Variants in CLCN2 observed in about 807,000 individuals in gnomAD.
CLCN2 encodes the protein chloride channel protein 2.
Under a neutral mutation model 108.3 loss-of-function variants are expected in CLCN2, and 72 were observed. The observed-to-expected ratio is 0.66, with a 90% CI of 0.55 to 0.81. The LOEUF (loss-of-function observed/expected upper bound fraction) is 0.81. Ranked by LOEUF, CLCN2 falls within the 30% of genes least tolerant of loss-of-function variation. The probability of loss-of-function intolerance (pLI) is 0.00; values close to 1 mark genes in which losing one functional copy is unlikely to be tolerated. For synonymous variants in CLCN2, 471 were observed against 467.1 expected (o/e 1.01, Z -0.11); for missense variants, 1,048 against 1,205.2 (o/e 0.87, Z 1.93).
In CLCN2 at chr3:184,355,504, G is replaced by A; in HGVS notation, c.1196C>T (p.Thr399Ile). The A allele has an allele frequency of 6.2e-7, 1 of 1,614,102 alleles. No individual in the cohort carries two copies. Among genetic ancestry groups the A allele is most frequent in the African/African-American group, 1.3e-5 (1 of 75,054 alleles). ...GQLSQKETLV[T>I]LFDNRTWVRQ... ...GACCCACGTCCGATTGTCAAACAGG[G>A]TGACCAGCGTCTCTTTCTGTGAGAG... Residue 399 changes from threonine to isoleucine, a missense_variant, in exon 12 of 24, where the codon ACC becomes ATC. By Grantham distance (89) the Thr-to-Ile change is moderately conservative. Transcript: ENST00000265593. This position sits in a 1 kb window ranked among gnomAD's most constrained non-coding sequence, Gnocchi z 6.3.
At position 184,358,110 on chromosome 3, in the gene CLCN2, G is replaced by A; in HGVS notation, c.482-15C>T. The A allele has an allele frequency of 6.2e-7, 1 of 1,614,112 alleles. No homozygotes were observed. Among genetic ancestry groups the A allele is most frequent in the East Asian group, 2.2e-5 (1 of 44,884 alleles). ...GATGCCAGAGCCTGGAGAGGGAACA[G>A]TCTCAGGAGAGGCATTCGATGCACC... is the stretch of plus-strand genomic sequence containing the variant. On this transcript the variant is annotated splice_polypyrimidine_tract_variant and intron_variant, in intron 4 of 23. Coordinates refer to ENST00000265593, the MANE Select transcript of CLCN2 (RefSeq NM_004366.6).
chr3:184,349,077 T>TC (rs1320839172), intron 22 of CLCN2: 2 of 152,234 alleles, frequency 1.3e-5, no homozygotes, highest in Non-Finnish European at 2.9e-5. Flanking sequence ...TACTGTGTAC[T>TC]CCAGCTTCCA....
Position 184,346,820 on chromosome 3 carries a change from AGAT to A in CLCN2, c.2503-23_2503-21del. 6 of 1,613,990 alleles carry A rather than the reference AGAT, an allele frequency of 3.7e-6. No individual in the cohort carries two copies. Among genetic ancestry groups the A allele is most frequent in the Non-Finnish European group, 5.1e-6 (6 of 1,179,908 alleles). The stretch of plus-strand genomic sequence containing the variant: ...CCGGAGCTGGAAAGGTGAGAGGGAC[AGAT>A]GTCTGGACCCAGATGTCAGACTCCT... On this transcript the variant is annotated intron_variant, in intron 23 of 23. Coordinates refer to ENST00000265593, the MANE Select transcript of CLCN2 (RefSeq NM_004366.6). The surrounding 1 kb of genome is among the most constrained non-coding windows in gnomAD (Gnocchi z 6.0).
Position 184,357,487 on chromosome 3 carries a change from C to A in CLCN2, c.773G>T (p.Gly258Val). 6.2e-7 allele frequency: 1 copy of A among 1,614,144 alleles called. No individual in the cohort carries two copies. ...VGCCFAAPIGGVLFSIEVTST... is the reference protein window; with the variant it reads ...VGCCFAAPIGVVLFSIEVTST... ...GGTGACCTCGATGCTGAAGAGGACGCCTGTGAGGGGGAGGGAGACCAGCAC... is the reference window on the plus strand; with the variant it reads ...GGTGACCTCGATGCTGAAGAGGACGACTGTGAGGGGGAGGGAGACCAGCAC... The change falls in exon 8 of 24, where the codon GGC (glycine) becomes GTC (valine). Residue 258 changes from glycine (G) to valine (V), a missense_variant and splice_region_variant. Physicochemically the swap from Gly to Val is moderately radical, Grantham distance 109. Transcript: ENST00000265593.
At chr3:184,350,006 G>A (rs1388054668) in intron 22 of CLCN2, among the ~76,000 whole-genome samples, 4 of 152,108 alleles carry the variant, frequency 2.6e-5, no homozygotes, top group Non-Finnish European at 4.4e-5. Flanking sequence ...TTAATTGGGC[G>A]ACTACCTATT....
In CLCN2 at chr3:184,361,281, A is replaced by T; in HGVS notation, c.63+136T>A. On this transcript the variant is annotated intron_variant, in intron 1 of 23. Transcript: ENST00000265593. The surrounding 1 kb of genome is among the most constrained non-coding windows in gnomAD (Gnocchi z 6.6). ...CATCCCTTCGGCCCTGCAGCCTCAG[A>T]CTTCCAAGCCTCAGTTTCCCCAGCT... 1.0e-6 allele frequency: 1 copy of T among 969,000 alleles called. No individual in the cohort carries two copies. The highest frequency in any genetic ancestry group is 2.5e-5 in the East Asian group (1 of 40,660). 60.0% of individuals were successfully genotyped at this position (969,000 alleles called of 1,614,324 possible). A position where few individuals can be genotyped will look rare whatever the true frequency, so the allele number is the denominator to read the frequency against.
Position 184,355,374 on chromosome 3 carries a change from C to T in CLCN2, c.1326G>A (p.Lys442=). Residue 442 remains lysine, a splice_region_variant and synonymous_variant, in exon 12 of 24, where the codon AAG becomes AAA. Coordinates refer to ENST00000265593, the MANE Select transcript of CLCN2 (RefSeq NM_004366.6). This position sits in a 1 kb window ranked among gnomAD's most constrained non-coding sequence, Gnocchi z 6.3. Reference sequence around the variant, plus strand: ...AGCAGTGTACACGTGAGGAGCCCACCTTCATGAGAATGAAGATGACCAGGG... The same window carrying T: ...AGCAGTGTACACGTGAGGAGCCCACTTTCATGAGAATGAAGATGACCAGGG... ...FLTLVIFILM[K]FWMSALATTI... 6.2e-7 allele frequency: 1 copy of T among 1,613,816 alleles called. No homozygotes were observed.
intron 10 of CLCN2, 147 bp downstream of exon 10, chr3:184,356,846 C>G (rs964558514): frequency 3.0e-6 from 2 of 677,062 alleles, no homozygotes; most frequent in Non-Finnish European, 5.3e-6. Context: ...TATAAAAATG[C>G]TCAGTCAGCC....
At chr3:184,358,954 T>C (rs1711620252) in intron 2 of CLCN2, 21 bp downstream of exon 2, 1 of 1,613,466 alleles carries the variant, frequency 6.2e-7, no homozygotes, top group Non-Finnish European at 8.5e-7. Flanking sequence ...CCAGGTCCCC[T>C]GCCCCCACCC....
chr3:184,357,165 C>T lies in CLCN2; in HGVS notation c.983+17G>A. On this transcript the variant is annotated intron_variant, in intron 9 of 23. Transcript: ENST00000265593. ...CCCCCCTCCTCTCTGATACCCCCAGCCCCCTCAGCTCCTCACCCAATGACA... is the reference window on the plus strand; with the variant it reads ...CCCCCCTCCTCTCTGATACCCCCAGTCCCCTCAGCTCCTCACCCAATGACA... 1.2e-6 allele frequency: 2 copies of T among 1,612,940 alleles called. No homozygotes were observed. Among genetic ancestry groups the T allele is most frequent in the Non-Finnish European group, 1.7e-6 (2 of 1,179,258 alleles).
At chr3:184,351,943 G>A (rs1296008775) in intron 22 of CLCN2, 70 bp downstream of exon 22, 1 of 1,164,608 alleles carries the variant, frequency 8.6e-7, no homozygotes, top group Non-Finnish European at 1.3e-6. Flanking sequence ...GTCCAAACTT[G>A]TAGGGGGACC....
chr3:184,358,819 T>C lies in CLCN2; in HGVS notation c.221-6A>G. The C allele has an allele frequency of 1.2e-6, 2 of 1,613,828 alleles. No individual in the cohort carries two copies. The highest frequency in any genetic ancestry group is 8.5e-7 in the Non-Finnish European group (1 of 1,179,878). On this transcript the variant is annotated splice_region_variant and splice_polypyrimidine_tract_variant and intron_variant, in intron 2 of 23. Coordinates refer to ENST00000265593, the MANE Select transcript of CLCN2 (RefSeq NM_004366.6). ...GTGGCAGCGGACAGAACAGACTGGG[T>C]GCAGGGAAGGGAAGAAGGGGGAGGA...
intron 15 of CLCN2, 101 bp from the exon 16 acceptor site, chr3:184,353,896 T>C (rs1728327800): frequency 6.5e-7 from 1 of 1,534,906 alleles, no homozygotes; most frequent in African/African-American, 1.4e-5. Flanking sequence ...AGCCCATCCA[T>C]GGGGACGGGA....
Position 184,355,632 on chromosome 3 carries a change from G to A in CLCN2, c.1170+62C>T. On this transcript the variant is annotated intron_variant, in intron 11 of 23. Coordinates refer to ENST00000265593, the MANE Select transcript of CLCN2 (RefSeq NM_004366.6). This position sits in a 1 kb window ranked among gnomAD's most constrained non-coding sequence, Gnocchi z 6.3. ...GGGGTCCCACAGTCACACTGGGGCT[G>A]TTGGCTTTGGAGGAATGCCTTCCAA... 2 of 1,603,326 alleles carry A rather than the reference G, an allele frequency of 1.2e-6. No homozygotes were observed. Among genetic ancestry groups the A allele is most frequent in the African/African-American group, 1.3e-5 (1 of 74,864 alleles).
At chr3:184,352,866 C>A in intron 18 of CLCN2, 56 bp from the exon 19 acceptor site, 1 of 1,598,768 alleles carries the variant, frequency 6.3e-7, no homozygotes, top group Admixed American at 1.7e-5. Flanking sequence ...GGGAGAGGAC[C>A]AGGAAAGGTA....
At position 184,359,028 on chromosome 3, in the gene CLCN2, C is replaced by T. The variant is rs745828736; in HGVS notation, c.167G>A (p.Arg56Gln). 26 of 1,613,522 alleles carry T rather than the reference C, an allele frequency of 1.6e-5. No individual in the cohort carries two copies. Among genetic ancestry groups the T allele is most frequent in the African/African-American group, 5.3e-5 (4 of 74,928 alleles). ...PEPWKGPPSS[R>Q]AAPELLEYGR... ...ATATTCCAAGAGCTCTGGGGCAGCCCGAGAGGAAGGGGGACCTTTCCAGGG... is the reference window on the plus strand; with the variant it reads ...ATATTCCAAGAGCTCTGGGGCAGCCTGAGAGGAAGGGGGACCTTTCCAGGG... The change falls in exon 2 of 24, where the codon CGG becomes CAG. Residue 56 changes from arginine to glutamine, a missense_variant. Transcript: ENST00000265593.
intron 13 of CLCN2, 108 bp from the exon 14 acceptor site, chr3:184,354,766 T>C: frequency 7.7e-7 from 1 of 1,302,802 alleles, no homozygotes; most frequent in Non-Finnish European, 1.1e-6. Flanking sequence ...GGTCATTCAG[T>C]GTAGGGCACA....
At chr3:184,351,530 C>A (rs547991022) in intron 22 of CLCN2, among the ~76,000 whole-genome samples, 1 of 152,228 alleles carries the variant, frequency 6.6e-6, no homozygotes, top group African/African-American at 2.4e-5. Context: ...GCATTCCAAG[C>A]CCCCCACTGG....
intron 13 of CLCN2, 95 bp downstream of exon 13, chr3:184,354,809 G>T: frequency 6.8e-7 from 1 of 1,464,998 alleles, no homozygotes; most frequent in Non-Finnish European, 9.6e-7. Context: ...GCTAGGGCTG[G>T]ACCAAAAACC....
Sources: allele counts gnomAD v4.1 joint callset (sites outside exome capture counted in the v4.1 genomes callset), GRCh38; gene constraint gnomAD v4.1.1; non-coding constraint Gnocchi (gnomAD v3.1); transcripts MANE v1.5; gene names NCBI Gene and HGNC (gene_info 2026-07-23, HGNC 2026-07-21).